The following EPB41L3 variants were observed in gnomAD, a reference collection of about 807,000 sequenced individuals.
EPB41L3 encodes erythrocyte membrane protein band 4.1 like 3.
A neutral mutation model predicts 127.1 loss-of-function variants in EPB41L3; 57 were observed. The observed-to-expected ratio is 0.45, with a 90% CI of 0.36 to 0.56. The LOEUF (loss-of-function observed/expected upper bound fraction) is 0.56, where lower values mean the gene tolerates loss of function less well. Ranked by LOEUF, EPB41L3 falls within the 20% of genes least tolerant of loss-of-function variation. The pLI is 0.00. For missense variants in EPB41L3, 1,273 were observed against 1,372.2 expected, an observed-to-expected ratio of 0.93 and a Z score of 1.14; for synonymous variants, 572 against 549.5, an observed-to-expected ratio of 1.04 and a Z score of -0.57.
rs2073804159 is a variant in EPB41L3, at chr18:5,397,692, A to C, written c.2473-266T>G. On this transcript the variant is annotated intron_variant, in intron 17 of 22. Transcript: ENST00000341928. This position sits in a 1 kb window ranked among gnomAD's most constrained non-coding sequence, Gnocchi z 4.1. ...GAAGGCAGGATAAAGTGCAATTAAC[A>C]AAACAAAAACCAAAGCATTGCAGCG... Among the ~76,000 whole-genome samples, 2 of 152,230 alleles carry C rather than the reference A, an allele frequency of 1.3e-5. No individual in the cohort carries two copies.
At chr18:5,537,380 T>C (rs1164457520) in intron 1 of EPB41L3, among the ~76,000 whole-genome samples, 2 of 152,198 alleles carry the variant, frequency 1.3e-5, no homozygotes, top group Non-Finnish European at 2.9e-5. Context: ...CTCAGTTAAA[T>C]ACTCCCACAA....
At chr18:5,495,801 G>A (rs1174208870) in intron 1 of EPB41L3, among the ~76,000 whole-genome samples, 2 of 152,182 alleles carry the variant, frequency 1.3e-5, no homozygotes, top group African/African-American at 4.8e-5. Flanking sequence ...AACAGAACGT[G>A]GCTTCCCTTT....
At chr18:5,573,276 A>T (rs1192272895) in intron 3 of EPB41L3, among the ~76,000 whole-genome samples, 6 of 152,232 alleles carry the variant, frequency 3.9e-5, no homozygotes, top group Non-Finnish European at 5.9e-5. Context: ...ATTCAAAGTC[A>T]TCTCAAACCT....
At chr18:5,593,756 C>T (rs920187841) in intron 3 of EPB41L3, among the ~76,000 whole-genome samples, 15 of 152,104 alleles carry the variant, frequency 9.9e-5, no homozygotes, top group Admixed American at 2.6e-4. Flanking sequence ...CCCAAGGGGG[C>T]CATTTTAGAG....
Position 5,583,727 on chromosome 18 carries a change from TGAA to T in EPB41L3, c.-306+28610_-306+28612del, listed in dbSNP as rs149478422. Among the ~76,000 whole-genome samples, 380 of 152,316 alleles carry T rather than the reference TGAA, an allele frequency of 2.5e-3. 1 individual carries two copies. The highest frequency in any genetic ancestry group is 8.6e-3 in the African/African-American group (357 of 41,570). ...GGGTAATCATACAGCATCTTAAAAT[TGAA>T]GAGCTATATTTTTTTTTCAGATGAT... On this transcript the variant is annotated intron_variant, in intron 3 of 21. Transcript: ENST00000545076.
At chr18:5,469,681 G>A (rs868410752) in intron 3 of EPB41L3, among the ~76,000 whole-genome samples, 30 of 152,246 alleles carry the variant, frequency 2.0e-4, no homozygotes, top group Middle Eastern at 3.4e-3. Context: ...GAAAAGGAAC[G>A]TCCGAAAGAT....
chr18:5,550,720 A>G (rs1598914503), intron 3 of EPB41L3, among the ~76,000 whole-genome samples: 1 of 152,152 alleles, frequency 6.6e-6, no homozygotes, highest in Non-Finnish European at 1.5e-5. Flanking sequence ...TTCCTGTCCA[A>G]CTGGGAGATG....
chr18:5,410,650 G>A (rs1399181331), intron 13 of EPB41L3, 31 bp from the exon 14 acceptor site: 24 of 1,600,790 alleles, frequency 1.5e-5, no homozygotes, highest in Non-Finnish European at 2.0e-5. Context: ...CAGGTTCCAG[G>A]AGGAAGGCAG....
At chr18:5,630,279 C>A, upstream of EPB41L3, 1 of 481,444 alleles carries the variant, frequency 2.1e-6, no homozygotes, top group South Asian at 1.5e-5. Context: ...CCATCGACCT[C>A]GAGCCAAGGG....
chr18:5,624,930 G>A (rs2094905573), intron 1 of EPB41L3, among the ~76,000 whole-genome samples: 1 of 152,160 alleles, frequency 6.6e-6, no homozygotes, highest in Non-Finnish European at 1.5e-5. Flanking sequence ...TGGTGTTTGA[G>A]TGCAGGATTT....
In EPB41L3 at chr18:5,562,966, T is replaced by C. The variant is rs77565515; in HGVS notation, c.-306+49374A>G. Among the ~76,000 whole-genome samples the C allele has an allele frequency of 6.2e-3, 946 of 152,360 alleles. 14 individuals are homozygous for C. The highest frequency in any genetic ancestry group is 0.024 in the East Asian group (127 of 5,190). ...GGGAGAAATGGACATGTTTCTTGTC[T>C]AGTGGGACAACTGCTACATGAACCA... On this transcript the variant is annotated intron_variant, in intron 3 of 21. Transcript: ENST00000545076.
chr18:5,470,347 A>C (rs1280129710), intron 3 of EPB41L3, among the ~76,000 whole-genome samples: 1 of 152,242 alleles, frequency 6.6e-6, no homozygotes, highest in Non-Finnish European at 1.5e-5. Context: ...ACAAGCGCCC[A>C]AGCAAAACTT....
chr18:5,430,277 T>C (rs1305584890), intron 8 of EPB41L3, among the ~76,000 whole-genome samples: 1 of 152,162 alleles, frequency 6.6e-6, no homozygotes, highest in African/African-American at 2.4e-5. Flanking sequence ...TGAAATAAAC[T>C]ACCACTTGTC....
intron 3 of EPB41L3, among the ~76,000 whole-genome samples, chr18:5,557,875 TAAAC>T (rs1265349705): frequency 2.6e-5 from 4 of 152,154 alleles, no homozygotes; most frequent in African/African-American, 9.7e-5. Context: ...AGCACCAAAA[TAAAC>T]AAAACAAAAC....
chr18:5,567,606 A>G (rs1253226518), intron 3 of EPB41L3, among the ~76,000 whole-genome samples: 1 of 152,080 alleles, frequency 6.6e-6, no homozygotes, highest in Non-Finnish European at 1.5e-5. Flanking sequence ...AAAGGAGAAG[A>G]GATAGGCAAG....
chr18:5,430,826 G>A (rs2145672532), intron 8 of EPB41L3, among the ~76,000 whole-genome samples: 1 of 151,974 alleles, frequency 6.6e-6, no homozygotes, highest in South Asian at 2.1e-4. Flanking sequence ...AGAGTGCTAG[G>A]ATTACAGGTG....
chr18:5,468,763 AC>A (rs1202885679), intron 3 of EPB41L3, among the ~76,000 whole-genome samples: 1 of 152,074 alleles, frequency 6.6e-6, no homozygotes, highest in Admixed American at 6.5e-5. Context: ...AAATACAAAA[AC>A]AATTAGCCAG....
At chr18:5,586,228 A>C (rs2094440577) in intron 3 of EPB41L3, among the ~76,000 whole-genome samples, 1 of 152,194 alleles carries the variant, frequency 6.6e-6, no homozygotes, top group Non-Finnish European at 1.5e-5. Context: ...CAGTTACAGC[A>C]AAATTCTATA....
In EPB41L3 at chr18:5,397,536, T is replaced by C; in HGVS notation, c.2473-110A>G. 1.5e-6 allele frequency: 2 copies of C among 1,339,910 alleles called. No individual in the cohort carries two copies. The highest frequency in any genetic ancestry group is 1.5e-5 in the African/African-American group (1 of 68,314). The allele number at this position is 1,339,910 out of a possible 1,614,324, so 83.0% of individuals were successfully genotyped here. On this transcript the variant is annotated intron_variant, in intron 17 of 22. Coordinates refer to ENST00000341928, the MANE Select transcript of EPB41L3 (RefSeq NM_012307.5). This position sits in a 1 kb window ranked among gnomAD's most constrained non-coding sequence, Gnocchi z 4.1. ...GTCTAAAGCCAGCAGCAAGTGCTTA[T>C]AACCAGAAACACTGACGAAAAATAT...
Sources: allele counts gnomAD v4.1 joint callset (sites outside exome capture counted in the v4.1 genomes callset), GRCh38; gene constraint gnomAD v4.1.1; non-coding constraint Gnocchi (gnomAD v3.1); transcripts MANE v1.5; gene names NCBI Gene and HGNC (gene_info 2026-07-23, HGNC 2026-07-21).